The following ATAD3B variants were observed in gnomAD, a reference collection of about 807,000 sequenced individuals.
ATAD3B encodes ATPase family AAA domain containing 3B, also known as ATPase family AAA domain-containing protein 3B.
ATAD3B carries 59 observed loss-of-function variants against 70.2 expected under a neutral mutation model. That is an observed-to-expected ratio of 0.84 (90% CI 0.68 to 1.04). The LOEUF is 1.04. Among genes scored for constraint, ATAD3B ranks in the 50% least tolerant of loss-of-function variants. The pLI is 0.00. For missense variants in ATAD3B, 961 were observed against 913.4 expected (o/e 1.05, Z -0.67); for synonymous variants, 423 against 388.6 (o/e 1.09, Z -1.04).
Position 1,477,274 on chromosome 1 carries a change from G to T in ATAD3B, c.206G>T (p.Arg69Leu). The T allele has an allele frequency of 6.2e-7, 1 of 1,612,364 alleles. No homozygotes were observed. Among genetic ancestry groups the T allele is most frequent in the Non-Finnish European group, 8.5e-7 (1 of 1,179,640 alleles). ...CTCTCCGTGCCACATGCGCCCGCAG[G>T]TTACGCCAAGGAGGCCCTGAATCTG... ...AKAARELEHS[R>L]YAKEALNLAQ... The change falls in exon 2 of 16, where the codon CGT becomes CTT. Residue 69 changes from arginine to leucine, a missense_variant and splice_region_variant. Arg to Leu is a moderately radical substitution (Grantham distance 102). Transcript: ENST00000673477.
chr1:1,472,806 C>T (rs1303714028), intron 1 of ATAD3B, among the ~76,000 whole-genome samples: 2 of 151,974 alleles, frequency 1.3e-5, no homozygotes, highest in African/African-American at 2.4e-5. Flanking sequence ...TACAGTGGTT[C>T]TCAACTCTTG....
At chr1:1,489,871 G>T in intron 13 of ATAD3B, 9 of 1,217,440 alleles carry the variant, frequency 7.4e-6, no homozygotes, top group Non-Finnish European at 9.4e-6. Flanking sequence ...CCGGGCCCCC[G>T]AGGTCCTGCT....
At chr1:1,484,826 G>A in intron 7 of ATAD3B, 190 bp from the exon 8 acceptor site, 1 of 1,387,510 alleles carries the variant, frequency 7.2e-7, no homozygotes, top group African/African-American at 1.5e-5. Flanking sequence ...CGTTATGACT[G>A]CCCCACCTGC....
Position 1,481,798 on chromosome 1 carries a change from C to T in ATAD3B, c.515-340C>T, listed in dbSNP as rs573418714. ...GCCCTAATCCATGGGCAGGGCCGGC[C>T]TGTGGCGCTGTCCCTACCAAGGTCT... is the stretch of plus-strand genomic sequence containing the variant. On this transcript the variant is annotated intron_variant, in intron 5 of 15. Coordinates refer to ENST00000673477, the MANE Select transcript of ATAD3B (RefSeq NM_031921.6). Among the ~76,000 whole-genome samples the T allele has an allele frequency of 5.1e-3, 774 of 152,068 alleles. 12 individuals are homozygous for T. Among genetic ancestry groups the T allele is most frequent in the African/African-American group, 0.017 (716 of 41,520 alleles).
chr1:1,492,624 A>G (rs1158650702), intron 15 of ATAD3B, among the ~76,000 whole-genome samples: 1 of 145,088 alleles, frequency 6.9e-6, no homozygotes, highest in African/African-American at 2.7e-5. Context: ...CCGAGACCCC[A>G]CCTCTACTAA....
At position 1,496,068 on chromosome 1, in the gene ATAD3B, G is replaced by A; in HGVS notation, c.*251G>A. 1 of 1,254,102 alleles carries A rather than the reference G, an allele frequency of 8.0e-7. No individual in the cohort carries two copies. Among genetic ancestry groups the A allele is most frequent in the Non-Finnish European group, 1.0e-6 (1 of 996,900 alleles). The allele number at this position is 1,254,102 out of a possible 1,614,324, so 77.7% of individuals were successfully genotyped here. On this transcript the variant is annotated 3_prime_UTR_variant, in exon 16 of 16. Transcript: ENST00000673477. ...GGACTAGACAGAAGTGGGGCGGCCT[G>A]AACCCTGCTTCCAGCCATGGCCAGG...
chr1:1,485,819 T>G lies in ATAD3B; in HGVS notation c.944T>G (p.Leu315Arg). Residue 315 changes from leucine to arginine, a missense_variant, in exon 9 of 16, where the codon CTG becomes CGG. Leu to Arg is a moderately radical substitution (Grantham distance 102). Coordinates refer to ENST00000673477, the MANE Select transcript of ATAD3B (RefSeq NM_031921.6). ...CTCCTCAGTCGACCCCAGGACGTGC[T>G]GGAGGGTGTTGTGCTTAGTGTAAGT... ...RRLLSRPQDV[L>R]EGVVLSPSLE... The G allele has an allele frequency of 1.2e-6, 2 of 1,613,050 alleles. No homozygotes were observed. Among genetic ancestry groups the G allele is most frequent in the Non-Finnish European group, 1.7e-6 (2 of 1,179,460 alleles).
At chr1:1,481,928 G>C (rs1639925232) in intron 5 of ATAD3B, among the ~76,000 whole-genome samples, 1 of 152,080 alleles carries the variant, frequency 6.6e-6, no homozygotes, top group African/African-American at 2.4e-5. Flanking sequence ...CACGGCATGG[G>C]CCTGTCTGTG....
chr1:1,503,369 GA>G, the ATAD3B span: 8 of 566,760 alleles, frequency 1.4e-5, no homozygotes, highest in South Asian at 1.9e-5. Flanking sequence ...ACCATCCCTG[GA>G]GGGCATAAAA....
chr1:1,476,604 G>A (rs1175128513), intron 1 of ATAD3B, among the ~76,000 whole-genome samples: 1 of 151,726 alleles, frequency 6.6e-6, no homozygotes, highest in Non-Finnish European at 1.5e-5. Context: ...TGCCTCCCAG[G>A]TTCACGCCAT....
chr1:1,502,213 T>TC (rs1491508471), downstream of ATAD3B, among the ~76,000 whole-genome samples: 18 of 149,440 alleles, frequency 1.2e-4, 1 homozygote, highest in South Asian at 2.2e-3. Context: ...GCTTTTTTTT[T>TC]CTCTCTCTTT....
At chr1:1,500,776 AC>A (rs1223004611), downstream of ATAD3B, among the ~76,000 whole-genome samples, 46 of 150,114 alleles carry the variant, frequency 3.1e-4, no homozygotes, top group African/African-American at 9.3e-4. Context: ...ACAGGGTGAA[AC>A]CCCGTCTCTA....
chr1:1,477,130 C>G (rs1639633156), intron 1 of ATAD3B, 144 bp from the exon 2 acceptor site: 4 of 1,106,344 alleles, frequency 3.6e-6, no homozygotes, highest in Non-Finnish European at 1.3e-6. Context: ...CCACCTGAGC[C>G]TCAGAGTTGC....
chr1:1,484,134 A>G (rs1640076116), intron 7 of ATAD3B: 1 of 152,044 alleles, frequency 6.6e-6, no homozygotes, highest in African/African-American at 2.4e-5. Flanking sequence ...TTTATTCCGA[A>G]TAACGAAAGT....
the ATAD3B span, chr1:1,509,057 G>A: frequency 1.4e-5 from 19 of 1,378,814 alleles, no homozygotes; most frequent in Non-Finnish European, 1.7e-5. Context: ...CACGTGCTGG[G>A]CTCTGCCGAG....
chr1:1,509,360 G>T, the ATAD3B span: 1 of 1,609,738 alleles, frequency 6.2e-7, no homozygotes. Context: ...GAGTCCATGG[G>T]GAGACCACAC....
intron 15 of ATAD3B, among the ~76,000 whole-genome samples, chr1:1,492,137 G>A (rs2100596352): frequency 6.6e-6 from 1 of 151,980 alleles, no homozygotes; most frequent in East Asian, 1.9e-4. Context: ...AGTGAGCTGT[G>A]ATTGTGCCAC....
chr1:1,478,427 C>T (rs1639712883), intron 2 of ATAD3B: 1 of 1,518,196 alleles, frequency 6.6e-7, no homozygotes, highest in Non-Finnish European at 8.9e-7. Context: ...CCCCGGGGGC[C>T]TTCGCAGGCT....
downstream of ATAD3B, among the ~76,000 whole-genome samples, chr1:1,501,150 G>C (rs1401641612): frequency 6.6e-6 from 1 of 151,652 alleles, no homozygotes; most frequent in South Asian, 2.1e-4. Context: ...GTGCAATGGC[G>C]TGATCTCGGC....
Sources: allele counts gnomAD v4.1 joint callset (sites outside exome capture counted in the v4.1 genomes callset), GRCh38; gene constraint gnomAD v4.1.1; transcripts MANE v1.5; gene names NCBI Gene and HGNC (gene_info 2026-07-23, HGNC 2026-07-21).